The following ZBTB20 variants were observed in gnomAD, a reference collection of about 807,000 sequenced individuals.
The protein encoded by ZBTB20 is zinc finger and BTB domain-containing protein 20.
A neutral mutation model predicts 56.9 loss-of-function variants in ZBTB20; 9 were observed. The ratio of observed to expected loss-of-function variants is 0.16; its 90% CI spans 0.10 to 0.28. The LOEUF is 0.28. ZBTB20 is among the 10% of genes least tolerant of loss of function. ZBTB20 has a pLI of 1.00. For synonymous variants in ZBTB20, 417 were observed against 420.7 expected (o/e 0.99, Z 0.11); for missense variants, 655 against 1,003.0 (o/e 0.65, Z 4.69).
intron 1 of ZBTB20, among the ~76,000 whole-genome samples, chr3:115,099,503 A>G (rs1168196616): frequency 1.3e-5 from 2 of 152,226 alleles, no homozygotes; most frequent in African/African-American, 4.8e-5. Context: ...GTTTAAAAAT[A>G]CATCCCCCAG....
At chr3:115,114,910 A>G (rs2083977491) in intron 1 of ZBTB20, among the ~76,000 whole-genome samples, 1 of 152,110 alleles carries the variant, frequency 6.6e-6, no homozygotes, top group Non-Finnish European at 1.5e-5. Context: ...GAACCTTGTC[A>G]TTCTGTAAAA....
At chr3:115,112,884 G>A (rs1374007664) in intron 1 of ZBTB20, among the ~76,000 whole-genome samples, 2 of 151,936 alleles carry the variant, frequency 1.3e-5, no homozygotes, top group Non-Finnish European at 2.9e-5. Context: ...TTTTTCATAG[G>A]GGCTGTACTT....
chr3:114,761,782 C>T lies in ZBTB20; in HGVS notation c.-343+39319G>A, dbSNP rs140178183. Among the ~76,000 whole-genome samples the T allele has an allele frequency of 7.8e-3, 1,171 of 150,188 alleles. 12 individuals are homozygous for T. Among genetic ancestry groups the T allele is most frequent in the African/African-American group, 0.026 (1,058 of 40,786 alleles). On this transcript the variant is annotated intron_variant, in intron 5 of 11. Transcript: ENST00000675478. ...CTGGGAGATGGAGGTTCCAGTGAGC[C>T]GAGATCATGCCACTGCACTCTGGCC...
chr3:114,346,561 A>C lies in ZBTB20; in HGVS notation c.1804+3713T>G, dbSNP rs139282936. On this transcript the variant is annotated intron_variant, in intron 11 of 11. Coordinates refer to ENST00000675478, the MANE Select transcript of ZBTB20 (RefSeq NM_001348800.3). Reference sequence around the variant, plus strand: ...ACAATCGTCTTTCATTTATGCCTCTACTTTAAATTTTTGGGTTATAATCAC... The same window carrying C: ...ACAATCGTCTTTCATTTATGCCTCTCCTTTAAATTTTTGGGTTATAATCAC... 2.0e-3 allele frequency among the ~76,000 whole-genome samples: 299 copies of C among 152,316 alleles called. 2 individuals carry two copies. Among genetic ancestry groups the C allele is most frequent in the African/African-American group, 6.9e-3 (287 of 41,564 alleles).
chr3:115,039,977 C>T (rs894725609), intron 2 of ZBTB20, among the ~76,000 whole-genome samples: 2 of 152,056 alleles, frequency 1.3e-5, no homozygotes, highest in Non-Finnish European at 2.9e-5. Context: ...CATATACATA[C>T]ACACAAATGA....
intron 6 of ZBTB20, among the ~76,000 whole-genome samples, chr3:114,665,745 G>A (rs545471875): frequency 3.4e-4 from 51 of 151,968 alleles, no homozygotes; most frequent in African/African-American, 9.9e-4. Flanking sequence ...ATTATTTTGC[G>A]GTATTATAAC....
At chr3:115,125,822 ATTG>A (rs2084315535) in intron 1 of ZBTB20, among the ~76,000 whole-genome samples, 2 of 152,320 alleles carry the variant, frequency 1.3e-5, no homozygotes, top group African/African-American at 4.8e-5. Flanking sequence ...AATGCACATA[ATTG>A]TTGTCAATTA....
rs1042916861 is a variant in ZBTB20, at chr3:114,508,520, C to G, written c.-294-8129G>C. On this transcript the variant is annotated intron_variant, in intron 6 of 11. Transcript: ENST00000675478. ...CAAAGCACTAACATGTACCAATCAA[C>G]AGGCGAAGGCATCAGGAAGGTAAAA... Among the ~76,000 whole-genome samples, 7 of 152,240 alleles carry G rather than the reference C, an allele frequency of 4.6e-5. No homozygotes were observed. In the South Asian group the frequency reaches 6.2e-4, roughly 14 times the overall value.
chr3:114,443,558 A>T, intron 7 of ZBTB20, among the ~76,000 whole-genome samples: 1 of 152,226 alleles, frequency 6.6e-6, no homozygotes, highest in East Asian at 1.9e-4. Context: ...TAATAGGTCC[A>T]ATATGGACTT....
intron 3 of ZBTB20, among the ~76,000 whole-genome samples, chr3:114,940,283 A>G (rs1209431038): frequency 1.4e-5 from 2 of 146,404 alleles, no homozygotes; most frequent in Non-Finnish European, 2.9e-5. Flanking sequence ...AATACAGTGC[A>G]TTTCATTGCC....
chr3:114,812,077 A>G (rs1423917638), intron 4 of ZBTB20, among the ~76,000 whole-genome samples: 1 of 152,224 alleles, frequency 6.6e-6, no homozygotes, highest in African/African-American at 2.4e-5. Context: ...TCATAAAGGC[A>G]GTGTGGACCC....
intron 7 of ZBTB20, among the ~76,000 whole-genome samples, chr3:114,426,733 C>T (rs1485201719): frequency 6.6e-6 from 1 of 152,076 alleles, no homozygotes; most frequent in Non-Finnish European, 1.5e-5. Context: ...GAGAGATTTC[C>T]AAGATGATTA....
At chr3:114,353,541 T>TTA (rs1398877790) in intron 10 of ZBTB20, among the ~76,000 whole-genome samples, 1 of 152,228 alleles carries the variant, frequency 6.6e-6, no homozygotes, top group Non-Finnish European at 1.5e-5. Context: ...TCGTTTTTAC[T>TTA]TATATAAGAC....
At chr3:114,849,969 G>C (rs1471589444) in intron 4 of ZBTB20, among the ~76,000 whole-genome samples, 1 of 139,504 alleles carries the variant, frequency 7.2e-6, no homozygotes, top group Non-Finnish European at 1.5e-5. Flanking sequence ...GCGCAATCTC[G>C]GCTCACTGCA....
intron 7 of ZBTB20, among the ~76,000 whole-genome samples, chr3:114,439,527 G>A (rs965299746): frequency 6.6e-6 from 1 of 152,134 alleles, no homozygotes; most frequent in Non-Finnish European, 1.5e-5. Context: ...AAAGCTATTG[G>A]AGGGTAACAT....
intron 1 of ZBTB20, among the ~76,000 whole-genome samples, chr3:115,076,901 GC>G (rs1351602672): frequency 6.6e-6 from 1 of 152,214 alleles, no homozygotes; most frequent in East Asian, 1.9e-4. Flanking sequence ...ATTAGTTAGA[GC>G]CTTATAAGAA....
chr3:114,400,084 G>A (rs2086685559), intron 7 of ZBTB20, among the ~76,000 whole-genome samples: 1 of 152,042 alleles, frequency 6.6e-6, no homozygotes, highest in South Asian at 2.1e-4. Flanking sequence ...CCCAAAAAAT[G>A]CCATGGTTGT....
chr3:115,120,304 T>C (rs1344066602), intron 1 of ZBTB20, among the ~76,000 whole-genome samples: 1 of 152,094 alleles, frequency 6.6e-6, no homozygotes, highest in Non-Finnish European at 1.5e-5. Context: ...TCTCCGTATC[T>C]TATGCTCAAA....
intron 7 of ZBTB20, among the ~76,000 whole-genome samples, chr3:114,404,818 C>A (rs1188863334): frequency 6.6e-6 from 1 of 152,146 alleles, no homozygotes; most frequent in Non-Finnish European, 1.5e-5. Context: ...TGATTCTCTG[C>A]TGGTTTAATT....
Sources: gnomAD v4.1 joint callset for allele counts (sites outside exome capture counted in the v4.1 genomes callset) on GRCh38, gnomAD v4.1.1 for gene constraint, MANE v1.5 for transcripts, NCBI Gene and HGNC (gene_info 2026-07-23, HGNC 2026-07-21) for gene names.